ACCSL: variants seen among roughly 807,000 people sequenced by gnomAD.
ACCSL encodes probable inactive 1-aminocyclopropane-1-carboxylate synthase-like protein 2.
A neutral mutation model predicts 61.7 loss-of-function variants in ACCSL; 55 were observed. That is an observed-to-expected ratio of 0.89 (90% confidence interval 0.72 to 1.12). The LOEUF (loss-of-function observed/expected upper bound fraction) is 1.12. ACCSL is among the 50% of genes most tolerant of loss of function. The pLI is 0.00. For synonymous variants in ACCSL, 258 were observed against 264.3 expected, an observed-to-expected ratio of 0.98 and a Z score of 0.23; for missense variants, 632 against 698.0, an observed-to-expected ratio of 0.91 and a Z score of 1.07.
the ACCSL span, among the ~76,000 whole-genome samples, chr11:43,952,788 G>A: frequency 2.0e-5 from 3 of 152,110 alleles, no homozygotes; most frequent in East Asian, 1.9e-4. Flanking sequence ...TTTTGTTTGC[G>A]GCCTGTCCTG....
chr11:44,010,512 T>G, the ACCSL span, among the ~76,000 whole-genome samples: 1 of 152,124 alleles, frequency 6.6e-6, no homozygotes, highest in Non-Finnish European at 1.5e-5. Context: ...TGGCAAAACT[T>G]GAATTGACCC....
the ACCSL span, among the ~76,000 whole-genome samples, chr11:44,005,835 C>T: frequency 6.6e-6 from 1 of 152,126 alleles, no homozygotes; most frequent in South Asian, 2.1e-4. Flanking sequence ...ATGAAGAAAC[C>T]AAGGCTTACA....
At chr11:43,989,527 G>A in the ACCSL span, among the ~76,000 whole-genome samples, 1 of 152,222 alleles carries the variant, frequency 6.6e-6, no homozygotes, top group South Asian at 2.1e-4. Context: ...GACAGGCTCA[G>A]AGGGCCTGAC....
the ACCSL span, among the ~76,000 whole-genome samples, chr11:44,035,470 A>T: frequency 1.3e-5 from 2 of 152,122 alleles, no homozygotes; most frequent in African/African-American, 2.4e-5. Context: ...TCCCATGTAA[A>T]CAGTAAACAA....
At chr11:44,022,360 T>A in the ACCSL span, among the ~76,000 whole-genome samples, 1 of 152,192 alleles carries the variant, frequency 6.6e-6, no homozygotes, top group Non-Finnish European at 1.5e-5. Flanking sequence ...TCATATGTAT[T>A]TTATTTTTTT....
At chr11:44,041,877 A>G in the ACCSL span, among the ~76,000 whole-genome samples, 1 of 152,232 alleles carries the variant, frequency 6.6e-6, no homozygotes, top group African/African-American at 2.4e-5. Context: ...CATTCATTTA[A>G]ATAAGTTGTC....
the ACCSL span, among the ~76,000 whole-genome samples, chr11:44,038,655 T>C: frequency 2.0e-5 from 3 of 151,832 alleles, no homozygotes; most frequent in Non-Finnish European, 4.4e-5. Flanking sequence ...AGGATGAGAG[T>C]AGGGAGCTAG....
In ACCSL at chr11:44,048,302, G is replaced by A; in HGVS notation, c.266G>A (p.Gly89Asp). The A allele has an allele frequency of 1.2e-6, 2 of 1,614,092 alleles. No individual in the cohort carries two copies. The highest frequency in any genetic ancestry group is 1.1e-5 in the South Asian group (1 of 91,066). The change falls in exon 1 of 14, where the codon GGC becomes GAC. Residue 89 changes from glycine to aspartate, a missense_variant. By Grantham distance (94) the Gly-to-Asp change is moderately conservative (BLOSUM62 -1). Coordinates refer to ENST00000378832, the MANE Select transcript of ACCSL (RefSeq NM_001031854.2). ...INLLQSGAAS[G>D]LELQVPLPSE... ...CTCCTACAGTCTGGGGCCGCGAGTG[G>A]CCTGGAGCTCCAAGTGCCTCTTCCT...
the ACCSL span, among the ~76,000 whole-genome samples, chr11:43,989,570 T>G: frequency 6.0e-4 from 92 of 152,316 alleles, no homozygotes; most frequent in Non-Finnish European, 7.4e-4. Context: ...CTCCCAGCCC[T>G]TCCCTTCCTC....
chr11:44,049,692 T>C (rs1362322535), intron 1 of ACCSL, among the ~76,000 whole-genome samples: 1 of 152,102 alleles, frequency 6.6e-6, no homozygotes, highest in Non-Finnish European at 1.5e-5. Flanking sequence ...GAGTTCTACT[T>C]TTCACCCAAG....
chr11:44,012,290 T>C, the ACCSL span, among the ~76,000 whole-genome samples: 2 of 143,622 alleles, frequency 1.4e-5, no homozygotes, highest in African/African-American at 5.1e-5. Flanking sequence ...TTTGATTAAC[T>C]TTTTTTTTTT....
chr11:44,001,985 C>A, the ACCSL span, among the ~76,000 whole-genome samples: 4,835 of 152,010 alleles, frequency 0.032, 250 homozygotes, highest in African/African-American at 0.11. Context: ...CAGCTCATTC[C>A]TAGTATTAAT....
chr11:43,968,841 T>G, the ACCSL span, among the ~76,000 whole-genome samples: 2 of 152,160 alleles, frequency 1.3e-5, no homozygotes. Context: ...TGGGGTCACC[T>G]ATCTTGGGTG....
chr11:43,978,782 GGT>G, the ACCSL span, among the ~76,000 whole-genome samples: 1 of 116,846 alleles, frequency 8.6e-6, no homozygotes, highest in Admixed American at 9.3e-5. Flanking sequence ...TGAGAAGGTG[GGT>G]TTTTTTTTTT....
chr11:43,982,684 C>T, the ACCSL span, among the ~76,000 whole-genome samples: 2 of 152,178 alleles, frequency 1.3e-5, no homozygotes, highest in South Asian at 4.1e-4. Flanking sequence ...GACTCTCTAA[C>T]AGGAGCCTGG....
chr11:43,923,985 C>G, the ACCSL span, among the ~76,000 whole-genome samples: 1 of 152,202 alleles, frequency 6.6e-6, no homozygotes. Context: ...AGTCCCTATT[C>G]TCATGTGGCC....
At chr11:43,989,254 T>A in the ACCSL span, among the ~76,000 whole-genome samples, 1 of 152,092 alleles carries the variant, frequency 6.6e-6, no homozygotes, top group East Asian at 1.9e-4. Flanking sequence ...TTCTCACCTG[T>A]GAGATGATGA....
chr11:44,000,426 CT>C, the ACCSL span, among the ~76,000 whole-genome samples: 2 of 137,770 alleles, frequency 1.5e-5, no homozygotes, highest in East Asian at 2.0e-4. Flanking sequence ...ACCTGGCCCC[CT>C]GTCTCTATTT....
chr11:43,978,968 C>T, the ACCSL span, among the ~76,000 whole-genome samples: 2 of 151,844 alleles, frequency 1.3e-5, no homozygotes, highest in Non-Finnish European at 2.9e-5. Context: ...GTTGGGAAAG[C>T]CTTGTGGCAC....
Sources: gnomAD v4.1 joint callset for allele counts (sites outside exome capture counted in the v4.1 genomes callset) on GRCh38, gnomAD v4.1.1 for gene constraint, MANE v1.5 for transcripts, NCBI Gene and HGNC (gene_info 2026-07-23, HGNC 2026-07-21) for gene names.